The following GXYLT1 variants were observed in gnomAD, a reference collection of about 807,000 sequenced individuals.
The protein encoded by GXYLT1 is glucoside xylosyltransferase 1.
In GXYLT1, 29 loss-of-function variants were observed where a neutral mutation model predicts 54.0. The ratio of observed to expected loss-of-function variants is 0.54; its 90% CI spans 0.40 to 0.73. The LOEUF is 0.73. GXYLT1 is among the 30% of genes least tolerant of loss of function. The pLI, the probability that GXYLT1 is intolerant of heterozygous loss-of-function variation, is 0.00. For synonymous variants in GXYLT1, 176 were observed against 204.1 expected (o/e 0.86, Z 1.17); for missense variants, 490 against 553.4 (o/e 0.89, Z 1.15).
chr12:42,113,511 A>C (rs1256262255), intron 3 of GXYLT1, among the ~76,000 whole-genome samples: 2 of 151,150 alleles, frequency 1.3e-5, no homozygotes, highest in African/African-American at 2.5e-5. Context: ...ACTTTAAACC[A>C]ACAAAGATCA....
intron 5 of GXYLT1, among the ~76,000 whole-genome samples, chr12:42,103,440 A>C (rs1434688952): frequency 3.3e-5 from 5 of 152,224 alleles, no homozygotes; most frequent in African/African-American, 1.2e-4. Context: ...TGTATAAAAC[A>C]GTTTGGAAAG....
intron 3 of GXYLT1, among the ~76,000 whole-genome samples, chr12:42,116,707 G>A (rs994588377): frequency 6.6e-6 from 1 of 152,202 alleles, no homozygotes; most frequent in East Asian, 1.9e-4. Context: ...AGCCATTGTG[G>A]AAGTCATTGT....
chr12:42,114,711 G>C (rs1449297940), intron 3 of GXYLT1, among the ~76,000 whole-genome samples: 1 of 152,150 alleles, frequency 6.6e-6, no homozygotes, highest in African/African-American at 2.4e-5. Flanking sequence ...ACAAAGAGGA[G>C]CTGGTACCAT....
intron 5 of GXYLT1, among the ~76,000 whole-genome samples, chr12:42,100,356 T>C (rs2065382764): frequency 1.3e-5 from 2 of 152,150 alleles, no homozygotes; most frequent in Admixed American, 1.3e-4. Context: ...AAGTTAACAG[T>C]TTTATGTGTA....
intron 1 of GXYLT1, among the ~76,000 whole-genome samples, chr12:42,138,258 G>A (rs1029567728): frequency 3.9e-5 from 6 of 152,100 alleles, no homozygotes; most frequent in African/African-American, 7.2e-5. Flanking sequence ...CAGAGACTGC[G>A]TCTGGGTGAC....
chr12:42,104,569 A>C (rs982524853), intron 5 of GXYLT1, among the ~76,000 whole-genome samples: 10 of 152,278 alleles, frequency 6.6e-5, no homozygotes, highest in South Asian at 2.1e-4. Context: ...AAAAAAAAAA[A>C]AACTAAGTTT....
intron 3 of GXYLT1, among the ~76,000 whole-genome samples, chr12:42,109,941 C>G (rs1306341058): frequency 6.6e-6 from 1 of 152,150 alleles, no homozygotes; most frequent in African/African-American, 2.4e-5. Flanking sequence ...GTCCAACTCC[C>G]AAAATCAGAA....
At position 42,137,005 on chromosome 12, in the gene GXYLT1, C is replaced by G. The variant is rs1180712775; in HGVS notation, c.222-7154G>C. ...AAGGCTGGTCTAGAACTTCTGGGTTCAAGCAATCCACCCACCTTTGCCTCC... is the reference window on the plus strand; with the variant it reads ...AAGGCTGGTCTAGAACTTCTGGGTTGAAGCAATCCACCCACCTTTGCCTCC... On this transcript the variant is annotated intron_variant, in intron 1 of 7. Coordinates refer to ENST00000398675, the MANE Select transcript of GXYLT1 (RefSeq NM_173601.2). Among the ~76,000 whole-genome samples, 8 of 152,066 alleles carry G rather than the reference C, an allele frequency of 5.3e-5. No individual in the cohort carries two copies. The East Asian group carries it at 1.5e-3, about 29-fold the overall frequency.
chr12:42,104,985 C>G (rs565279448), intron 5 of GXYLT1, among the ~76,000 whole-genome samples: 1 of 152,152 alleles, frequency 6.6e-6, no homozygotes, highest in Non-Finnish European at 1.5e-5. Flanking sequence ...TTCAACAGAT[C>G]TCTTTTAAAT....
Position 42,089,518 on chromosome 12 carries a change from T to C in GXYLT1, c.1162-1571A>G, listed in dbSNP as rs567372584. 2.0e-5 allele frequency among the ~76,000 whole-genome samples: 3 copies of C among 152,320 alleles called. No homozygotes were observed. The South Asian group carries it at 6.2e-4, about 32-fold the overall frequency. On this transcript the variant is annotated intron_variant, in intron 7 of 7. Coordinates refer to ENST00000398675, the MANE Select transcript of GXYLT1 (RefSeq NM_173601.2). ...TATATACATATAAAAGAGTTGTATA[T>C]GTATTAACACATTTATAATATAGGT... is the stretch of plus-strand genomic sequence containing the variant.
intron 3 of GXYLT1, among the ~76,000 whole-genome samples, chr12:42,112,968 AC>A (rs752321490): frequency 2.8e-4 from 42 of 151,340 alleles, no homozygotes; most frequent in Admixed American, 9.8e-4. Context: ...GAGAGTGGGG[AC>A]CAACATTCAA....
chr12:42,095,563 A>T (rs2065351145), intron 7 of GXYLT1, among the ~76,000 whole-genome samples: 1 of 152,198 alleles, frequency 6.6e-6, no homozygotes, highest in Non-Finnish European at 1.5e-5. Flanking sequence ...ACATCTGCTC[A>T]TCTTATTAAA....
intron 3 of GXYLT1, among the ~76,000 whole-genome samples, chr12:42,114,571 C>T (rs2065480969): frequency 6.6e-6 from 1 of 152,184 alleles, no homozygotes; most frequent in African/African-American, 2.4e-5. Context: ...CCTCCCAAGA[C>T]TAAACCAGGA....
rs2065259898 is a variant in GXYLT1 at position 42,082,526 on chromosome 12, T to C, written c.*5260A>G. ...CAGGGTCTCGCTCTGTCACCCAGGC[T>C]GGAGTGCAATGGTGCAATCTTGGCT... On this transcript the variant is annotated 3_prime_UTR_variant, in exon 8 of 8. Transcript: ENST00000398675. 6.6e-6 allele frequency: 1 copy of C among 152,278 alleles called. No individual in the cohort carries two copies. Among genetic ancestry groups the C allele is most frequent in the Non-Finnish European group, 1.5e-5 (1 of 68,070 alleles). 9.4% of individuals were successfully genotyped at this position (152,278 alleles called of 1,614,324 possible). A position where few individuals can be genotyped will look rare whatever the true frequency, so the allele number is the denominator to read the frequency against.
intron 5 of GXYLT1, among the ~76,000 whole-genome samples, chr12:42,101,990 C>G (rs1442891299): frequency 6.6e-6 from 1 of 152,172 alleles, no homozygotes; most frequent in East Asian, 1.9e-4. Flanking sequence ...TTTCATTCTA[C>G]ATAAAATTAC....
At chr12:42,109,405 T>C (rs760081692) in intron 4 of GXYLT1, among the ~76,000 whole-genome samples, 161 bp downstream of exon 4, 7 of 152,164 alleles carry the variant, frequency 4.6e-5, no homozygotes, top group Non-Finnish European at 1.0e-4. Context: ...ACAGGAATAT[T>C]TTTTCATGTT....
chr12:42,110,644 G>A (rs2065447838), intron 3 of GXYLT1, among the ~76,000 whole-genome samples: 2 of 152,120 alleles, frequency 1.3e-5, no homozygotes, highest in African/African-American at 2.4e-5. Flanking sequence ...TGACTTCCCA[G>A]GCTTGGGTGA....
At chr12:42,136,629 T>C (rs1383362336) in intron 1 of GXYLT1, among the ~76,000 whole-genome samples, 2 of 152,150 alleles carry the variant, frequency 1.3e-5, no homozygotes, top group Non-Finnish European at 2.9e-5. Flanking sequence ...GATGAAACAA[T>C]TCTGTATCCT....
At chr12:42,103,346 CAAAT>C (rs1470534505) in intron 5 of GXYLT1, among the ~76,000 whole-genome samples, 2 of 152,148 alleles carry the variant, frequency 1.3e-5, no homozygotes, top group East Asian at 1.9e-4. Flanking sequence ...GACAGCAAGG[CAAAT>C]AAATAAACTA....
Sources: gnomAD v4.1 joint callset for allele counts (sites outside exome capture counted in the v4.1 genomes callset) on GRCh38, gnomAD v4.1.1 for gene constraint, MANE v1.5 for transcripts, NCBI Gene and HGNC (gene_info 2026-07-23, HGNC 2026-07-21) for gene names.